ALDH1A2: variants seen among roughly 807,000 people sequenced by gnomAD.
ALDH1A2 encodes the protein retinal dehydrogenase 2.
ALDH1A2 carries 27 observed loss-of-function variants against 60.3 expected under a neutral mutation model. That is an observed-to-expected ratio of 0.45 (90% CI 0.33 to 0.62). The LOEUF is 0.62. Among genes scored for constraint, ALDH1A2 ranks in the 20% least tolerant of loss-of-function variants. The probability of loss-of-function intolerance (pLI) is 0.02; values close to 1 mark genes in which losing one functional copy is unlikely to be tolerated. For synonymous variants in ALDH1A2, 289 were observed against 232.4 expected (o/e 1.24, Z -2.21); for missense variants, 581 against 643.8 (o/e 0.90, Z 1.06).
intron 7 of ALDH1A2, among the ~76,000 whole-genome samples, chr15:57,987,462 G>A (rs1048863810): frequency 2.0e-5 from 3 of 152,150 alleles, no homozygotes; most frequent in South Asian, 4.1e-4. Context: ...AATGATTGCT[G>A]TATCTCATCA....
At chr15:57,980,985 G>T (rs1356289652) in intron 7 of ALDH1A2, among the ~76,000 whole-genome samples, 1 of 152,116 alleles carries the variant, frequency 6.6e-6, no homozygotes, top group African/African-American at 2.4e-5. Flanking sequence ...GGTCTGTTCA[G>T]GGATTCAACT....
intron 7 of ALDH1A2, among the ~76,000 whole-genome samples, chr15:57,988,284 G>C (rs1894777570): frequency 6.6e-6 from 1 of 152,160 alleles, no homozygotes; most frequent in Non-Finnish European, 1.5e-5. Context: ...TGATTGAGGT[G>C]CATATTGTAC....
At chr15:58,025,413 G>A (rs1178558502) in intron 1 of ALDH1A2, among the ~76,000 whole-genome samples, 2 of 152,084 alleles carry the variant, frequency 1.3e-5, no homozygotes, top group African/African-American at 4.8e-5. Context: ...AAAACCTAGG[G>A]GAGATGGATA....
At chr15:57,998,989 G>C (rs1895161501) in intron 4 of ALDH1A2, among the ~76,000 whole-genome samples, 1 of 152,094 alleles carries the variant, frequency 6.6e-6, no homozygotes, top group Admixed American at 6.6e-5. Context: ...GGGAAAACTA[G>C]CTAGCAATAT....
At chr15:57,996,459 T>C (rs564310049) in intron 4 of ALDH1A2, among the ~76,000 whole-genome samples, 1 of 151,696 alleles carries the variant, frequency 6.6e-6, no homozygotes, top group East Asian at 1.9e-4. Context: ...TTTTTTTTTA[T>C]ACAAACGGGA....
intron 7 of ALDH1A2, chr15:57,980,225 TC>T: frequency 3.0e-6 from 1 of 329,820 alleles, no homozygotes; most frequent in Non-Finnish European, 6.3e-6. Flanking sequence ...GATGCCAATG[TC>T]CACCCCGCTC....
intron 1 of ALDH1A2, among the ~76,000 whole-genome samples, chr15:58,063,465 A>C (rs145918271): frequency 7.2e-5 from 11 of 152,218 alleles, no homozygotes; most frequent in African/African-American, 2.2e-4. Context: ...GTTTGTTTTT[A>C]AAAAACTCAC....
At chr15:57,965,675 G>T in intron 8 of ALDH1A2, 50 bp downstream of exon 8, 2 of 1,294,228 alleles carry the variant, frequency 1.5e-6, no homozygotes, top group Non-Finnish European at 2.3e-6. Context: ...ATAAAAGAGA[G>T]CACCAAAGGG....
intron 12 of ALDH1A2, among the ~76,000 whole-genome samples, chr15:57,956,234 A>G (rs1214182456): frequency 6.6e-6 from 1 of 152,226 alleles, no homozygotes; most frequent in African/African-American, 2.4e-5. Context: ...GGGAAGGAGG[A>G]AGGGCGAGCT....
At chr15:57,960,608 C>G (rs1433475409) in intron 12 of ALDH1A2, among the ~76,000 whole-genome samples, 162 bp downstream of exon 12, 1 of 152,178 alleles carries the variant, frequency 6.6e-6, no homozygotes, top group Non-Finnish European at 1.5e-5. Flanking sequence ...TTATTCATCT[C>G]TATAACATGT....
At chr15:58,039,404 G>A (rs1168070861) in intron 1 of ALDH1A2, among the ~76,000 whole-genome samples, 2 of 151,692 alleles carry the variant, frequency 1.3e-5, no homozygotes, top group Non-Finnish European at 3.0e-5. Flanking sequence ...GAAAGGAAGG[G>A]CTTGCTTCCA....
intron 1 of ALDH1A2, among the ~76,000 whole-genome samples, chr15:58,056,257 T>G (rs1896893765): frequency 1.3e-5 from 2 of 152,056 alleles, no homozygotes; most frequent in African/African-American, 4.8e-5. Flanking sequence ...AAACCATCAA[T>G]CAAAGTAGTT....
At chr15:58,018,550 A>G (rs1169916353) in intron 1 of ALDH1A2, among the ~76,000 whole-genome samples, 1 of 152,150 alleles carries the variant, frequency 6.6e-6, no homozygotes, top group Non-Finnish European at 1.5e-5. Flanking sequence ...TAGTTTCAAA[A>G]TATCTCCCCT....
intron 12 of ALDH1A2, among the ~76,000 whole-genome samples, chr15:57,959,335 A>T (rs759067832): frequency 6.6e-6 from 1 of 152,164 alleles, no homozygotes; most frequent in African/African-American, 2.4e-5. Context: ...GGTGAAGGTC[A>T]AAAGCAAATG....
At chr15:57,968,501 C>A in intron 7 of ALDH1A2, among the ~76,000 whole-genome samples, 1 of 152,218 alleles carries the variant, frequency 6.6e-6, no homozygotes, top group African/African-American at 2.4e-5. Flanking sequence ...GTTCTCTTTT[C>A]TACATTTACT....
At chr15:57,976,701 T>C (rs958352803) in intron 7 of ALDH1A2, among the ~76,000 whole-genome samples, 6 of 152,202 alleles carry the variant, frequency 3.9e-5, no homozygotes, top group Admixed American at 3.9e-4. Context: ...TCCTTGCTAT[T>C]GTGAATAGTG....
chr15:58,021,152 G>C (rs1200348253), intron 1 of ALDH1A2, among the ~76,000 whole-genome samples: 4 of 152,004 alleles, frequency 2.6e-5, no homozygotes, highest in African/African-American at 9.7e-5. Context: ...AGTGACATAT[G>C]GTTAGATTTT....
At chr15:57,964,309 C>T (rs1299687922) in intron 8 of ALDH1A2, 9 of 519,176 alleles carry the variant, frequency 1.7e-5, no homozygotes, top group Non-Finnish European at 2.4e-5. Flanking sequence ...TACTGAACCT[C>T]GTGTATAACA....
At chr15:57,966,730 AT>A (rs1893908411) in intron 7 of ALDH1A2, among the ~76,000 whole-genome samples, 1 of 152,156 alleles carries the variant, frequency 6.6e-6, no homozygotes, top group Non-Finnish European at 1.5e-5. Flanking sequence ...GGGACGGTAT[AT>A]ACTCCATGAT....
Sources: gnomAD v4.1 joint callset for allele counts (sites outside exome capture counted in the v4.1 genomes callset) on GRCh38, gnomAD v4.1.1 for gene constraint, MANE v1.5 for transcripts, NCBI Gene and HGNC (gene_info 2026-07-23, HGNC 2026-07-21) for gene names.